The following NOS1AP variants were observed in gnomAD, a reference collection of about 807,000 sequenced individuals.
NOS1AP encodes the protein carboxyl-terminal PDZ ligand of neuronal nitric oxide synthase protein.
NOS1AP carries 21 observed loss-of-function variants against 56.2 expected under a neutral mutation model. That is an observed-to-expected ratio of 0.37 (90% CI 0.26 to 0.54). NOS1AP has a LOEUF of 0.54. NOS1AP is among the 20% of genes least tolerant of loss of function. NOS1AP has a pLI of 0.84. For synonymous variants in NOS1AP, 270 were observed against 274.6 expected, an observed-to-expected ratio of 0.98 and a Z score of 0.17; for missense variants, 522 against 657.8, an observed-to-expected ratio of 0.79 and a Z score of 2.26.
chr1:162,210,930 A>C (rs1449835605), intron 2 of NOS1AP, among the ~76,000 whole-genome samples: 2 of 152,186 alleles, frequency 1.3e-5, no homozygotes, highest in African/African-American at 4.8e-5. Context: ...AGCTGCTGTG[A>C]TGCTGGAGGG....
At chr1:162,101,915 A>T (rs1647289635) in intron 1 of NOS1AP, among the ~76,000 whole-genome samples, 1 of 152,120 alleles carries the variant, frequency 6.6e-6, no homozygotes, top group African/African-American at 2.4e-5. Context: ...CTCTCTTCCT[A>T]TTCGAATCCC....
chr1:162,162,608 A>G (rs767064637), intron 2 of NOS1AP, among the ~76,000 whole-genome samples: 11 of 152,220 alleles, frequency 7.2e-5, no homozygotes, highest in Non-Finnish European at 1.5e-4. Context: ...GTGAGCAGTG[A>G]TATCATTTCA....
chr1:162,295,555 C>T (rs1367474353), intron 3 of NOS1AP, among the ~76,000 whole-genome samples: 4 of 151,744 alleles, frequency 2.6e-5, no homozygotes, highest in Non-Finnish European at 5.9e-5. Context: ...AGAGTATTTC[C>T]ATATAGAAAA....
chr1:162,300,334 A>C (rs1655603252), intron 3 of NOS1AP, among the ~76,000 whole-genome samples: 1 of 152,078 alleles, frequency 6.6e-6, no homozygotes, highest in African/African-American at 2.4e-5. Context: ...CAATTAACCT[A>C]CCTAGCTTGT....
At chr1:162,362,799 A>G (rs1016316482) in intron 8 of NOS1AP, among the ~76,000 whole-genome samples, 1 of 152,254 alleles carries the variant, frequency 6.6e-6, no homozygotes, top group Non-Finnish European at 1.5e-5. Context: ...CTTAGAACCA[A>G]ATAGATTTGG....
chr1:162,237,881 G>A (rs906125468), intron 2 of NOS1AP, among the ~76,000 whole-genome samples: 1 of 97,512 alleles, frequency 1.0e-5, no homozygotes, highest in South Asian at 3.6e-4. Context: ...CAGAGAGCAT[G>A]GGAGACACAT....
intron 3 of NOS1AP, among the ~76,000 whole-genome samples, chr1:162,291,040 C>A (rs1655268638): frequency 6.7e-6 from 1 of 150,122 alleles, no homozygotes; most frequent in Admixed American, 6.6e-5. Context: ...AAAAAAAAAA[C>A]CCACAAAAGA....
intron 2 of NOS1AP, among the ~76,000 whole-genome samples, chr1:162,243,195 C>T (rs897368322): frequency 2.6e-5 from 4 of 151,960 alleles, no homozygotes; most frequent in African/African-American, 7.3e-5. Context: ...TTATTGTAGC[C>T]GAGAGGGGAC....
chr1:162,289,081 G>A (rs1655178099), intron 3 of NOS1AP, among the ~76,000 whole-genome samples: 1 of 152,120 alleles, frequency 6.6e-6, no homozygotes, highest in South Asian at 2.1e-4. Context: ...GGCTAATTTT[G>A]TCACATGTGT....
chr1:162,237,899 T>C (rs1425526105), intron 2 of NOS1AP, among the ~76,000 whole-genome samples: 2 of 151,980 alleles, frequency 1.3e-5, no homozygotes, highest in Non-Finnish European at 2.9e-5. Flanking sequence ...CATGAGTCCT[T>C]TGCTGTCCTC....
intron 2 of NOS1AP, among the ~76,000 whole-genome samples, chr1:162,213,655 G>C (rs973110373): frequency 6.6e-6 from 1 of 152,168 alleles, no homozygotes; most frequent in African/African-American, 2.4e-5. Flanking sequence ...CTTTGGTCAG[G>C]CTGCCTGGAG....
chr1:162,353,051 C>T (rs1375910230), intron 6 of NOS1AP, among the ~76,000 whole-genome samples: 2 of 149,924 alleles, frequency 1.3e-5, no homozygotes, highest in Admixed American at 6.7e-5. Flanking sequence ...GCCCCCACCA[C>T]AGACAAGCAA....
chr1:162,075,181 A>G (rs959165660), intron 1 of NOS1AP, among the ~76,000 whole-genome samples: 3 of 152,172 alleles, frequency 2.0e-5, no homozygotes, highest in Admixed American at 6.5e-5. Context: ...ACCTTGCCTC[A>G]TGCCTTGGTG....
intron 1 of NOS1AP, among the ~76,000 whole-genome samples, chr1:162,102,857 T>C (rs1647340719): frequency 2.0e-5 from 3 of 152,164 alleles, no homozygotes; most frequent in Admixed American, 1.3e-4. Flanking sequence ...TAGTGGTCTA[T>C]TTTATTAATT....
At position 162,369,065 on chromosome 1, in the gene NOS1AP, GGTGTGTGTGTGTGTGTTTT is replaced by G. The variant is rs1557897794; in HGVS notation, c.*1611_*1629del. 6.6e-6 allele frequency: 1 copy of G among 151,596 alleles called. No individual in the cohort carries two copies. Among genetic ancestry groups the G allele is most frequent in the Non-Finnish European group, 1.5e-5 (1 of 67,850 alleles). The allele number at this position is 151,596 out of a possible 1,614,324, so 9.4% of individuals were successfully genotyped here. A position where few individuals can be genotyped will look rare whatever the true frequency, so the allele number is the denominator to read the frequency against. Reference sequence around the variant, plus strand: ...GGTGTCAGTGGAAATAGGATCAGGTGGTGTGTGTGTGTGTGTTTTGTGTGTGTGTGTACACATGTGTTTA... The same window carrying G: ...GGTGTCAGTGGAAATAGGATCAGGTGGTGTGTGTGTGTACACATGTGTTTA... On this transcript the variant is annotated 3_prime_UTR_variant, in exon 10 of 10. Coordinates refer to ENST00000361897, the MANE Select transcript of NOS1AP (RefSeq NM_014697.3).
chr1:162,324,711 G>A (rs1484662765), intron 4 of NOS1AP, among the ~76,000 whole-genome samples: 4 of 152,118 alleles, frequency 2.6e-5, no homozygotes, highest in African/African-American at 9.7e-5. Flanking sequence ...TTGCTTATTC[G>A]TTACTCTAGG....
intron 1 of NOS1AP, among the ~76,000 whole-genome samples, chr1:162,127,859 T>A (rs1648559082): frequency 6.6e-6 from 1 of 152,114 alleles, no homozygotes; most frequent in Non-Finnish European, 1.5e-5. Context: ...CAATTCGACA[T>A]GAGATTTCGT....
intron 2 of NOS1AP, among the ~76,000 whole-genome samples, chr1:162,195,764 A>G (rs1651786289): frequency 6.6e-6 from 1 of 151,878 alleles, no homozygotes; most frequent in African/African-American, 2.4e-5. Context: ...GCATACCCTA[A>G]TCACTCCAGC....
rs563850729 is a variant in NOS1AP, at chr1:162,190,333, T to G, written c.177+35857T>G. On this transcript the variant is annotated intron_variant, in intron 2 of 9. Coordinates refer to ENST00000361897, the MANE Select transcript of NOS1AP (RefSeq NM_014697.3). The stretch of plus-strand genomic sequence containing the variant: ...TGGGCTCTTCAACTTCAAGATTTCT[T>G]TCTTCTCTGAACACATTTTTTTTAA... Among the ~76,000 whole-genome samples, 68 of 146,380 alleles carry G rather than the reference T, an allele frequency of 4.6e-4. 1 individual carries two copies. In the South Asian group the frequency reaches 0.014, roughly 30 times the overall value.
Sources: gnomAD v4.1 joint callset for allele counts (sites outside exome capture counted in the v4.1 genomes callset) on GRCh38, gnomAD v4.1.1 for gene constraint, MANE v1.5 for transcripts, NCBI Gene and HGNC (gene_info 2026-07-23, HGNC 2026-07-21) for gene names.